SHLD1: variants seen among roughly 807,000 people sequenced by gnomAD.
SHLD1 encodes shieldin complex subunit 1.
A neutral mutation model predicts 5.5 loss-of-function variants in SHLD1; 3 were observed. The ratio of observed to expected loss-of-function variants is 0.54; its 90% CI spans 0.25 to 1.40. The LOEUF (loss-of-function observed/expected upper bound fraction) is 1.40. SHLD1 is among the 40% of genes most tolerant of loss of function. The pLI, the probability that SHLD1 is intolerant of heterozygous loss-of-function variation, is 0.15. For missense variants in SHLD1, 210 were observed against 244.4 expected (o/e 0.86, Z 0.94); for synonymous variants, 92 against 94.3 (o/e 0.98, Z 0.14).
At chr20:5,823,073 C>G (rs918155511) in intron 2 of SHLD1, among the ~76,000 whole-genome samples, 8 of 143,580 alleles carry the variant, frequency 5.6e-5, no homozygotes, top group Non-Finnish European at 1.2e-4. Context: ...CTTCCAAATC[C>G]AGTGGTCGGT....
At chr20:5,852,139 G>A (rs2088018976) in intron 2 of SHLD1, among the ~76,000 whole-genome samples, 2 of 152,114 alleles carry the variant, frequency 1.3e-5, no homozygotes, top group South Asian at 4.1e-4. Context: ...TGTACAGCCT[G>A]CAGAACTATG....
In SHLD1 at chr20:5,787,270, AG is replaced by A. The variant is rs1391709600; in HGVS notation, c.178+14229del. Among the ~76,000 whole-genome samples the A allele has an allele frequency of 2.0e-5, 3 of 152,354 alleles. No homozygotes were observed. The South Asian group carries it at 6.2e-4, about 32-fold the overall frequency. The stretch of plus-strand genomic sequence containing the variant: ...GAAAACCCAGGGAAGAAAACAAGTC[AG>A]GAATTTTAACTCCCTTTGCTGGAAT... On this transcript the variant is annotated intron_variant, in intron 2 of 2. Coordinates refer to ENST00000303142, the MANE Select transcript of SHLD1 (RefSeq NM_152504.4).
At chr20:5,793,616 CTTTAT>C (rs2087171964) in intron 2 of SHLD1, among the ~76,000 whole-genome samples, 1 of 152,142 alleles carries the variant, frequency 6.6e-6, no homozygotes, top group Non-Finnish European at 1.5e-5. Context: ...ACTTTGAAGT[CTTTAT>C]TTTAGGGTAA....
At chr20:5,762,620 G>A (rs1358423655) in intron 1 of SHLD1, among the ~76,000 whole-genome samples, 2 of 152,094 alleles carry the variant, frequency 1.3e-5, no homozygotes, top group Admixed American at 1.3e-4. Flanking sequence ...TGGCTATTGT[G>A]GGGGAGGCAC....
At chr20:5,766,704 T>A (rs1201242249) in intron 1 of SHLD1, among the ~76,000 whole-genome samples, 1 of 152,192 alleles carries the variant, frequency 6.6e-6, no homozygotes, top group African/African-American at 2.4e-5. Flanking sequence ...ATTCAATAAA[T>A]GGGAACTACT....
At chr20:5,837,257 G>A (rs1386392112) in intron 2 of SHLD1, among the ~76,000 whole-genome samples, 2 of 152,094 alleles carry the variant, frequency 1.3e-5, no homozygotes, top group East Asian at 3.9e-4. Context: ...CCTCCCCTCC[G>A]CCCACCACCT....
At chr20:5,799,940 G>GAATGGAA (rs11473588) in intron 2 of SHLD1, among the ~76,000 whole-genome samples, 1,671 of 152,254 alleles carry the variant, frequency 0.011, 38 homozygotes, top group African/African-American at 0.039. Flanking sequence ...AATCTCTTTT[G>GAATGGAA]AATGGAAAAT....
At chr20:5,854,057 G>A (rs190082918) in intron 2 of SHLD1, among the ~76,000 whole-genome samples, 14 of 151,010 alleles carry the variant, frequency 9.3e-5, no homozygotes, top group African/African-American at 3.4e-4. Flanking sequence ...CCAGGCTGGA[G>A]TGCAATGGTG....
intron 2 of SHLD1, among the ~76,000 whole-genome samples, chr20:5,814,451 A>AT (rs1320975235): frequency 6.6e-6 from 1 of 152,082 alleles, no homozygotes; most frequent in Non-Finnish European, 1.5e-5. Context: ...ATATCTGTAT[A>AT]TTTTTTGTTA....
intron 2 of SHLD1, among the ~76,000 whole-genome samples, chr20:5,800,841 C>CTGTGTG (rs544411356): frequency 4.9e-5 from 2 of 41,180 alleles, no homozygotes; most frequent in East Asian, 0.033. Context: ...GTATCTATAC[C>CTGTGTG]TGTGTGTGTG....
At chr20:5,758,871 CTG>C (rs2122186793) in intron 1 of SHLD1, among the ~76,000 whole-genome samples, 1 of 148,890 alleles carries the variant, frequency 6.7e-6, no homozygotes, top group East Asian at 2.0e-4. Flanking sequence ...TTTGAGAAGT[CTG>C]TGGAGGGGAG....
In SHLD1 at chr20:5,769,598, T is replaced by A. The variant is rs1985035320; in HGVS notation, c.-4-3264T>A. 3.9e-5 allele frequency among the ~76,000 whole-genome samples: 6 copies of A among 152,208 alleles called. 1 individual carries two copies. The South Asian group carries it at 1.2e-3, about 32-fold the overall frequency. ...AGGAGATGAACAACAAAACTAATAATAGAACAGTTATTAAAATATACTGTA... is the reference window on the plus strand; with the variant it reads ...AGGAGATGAACAACAAAACTAATAAAAGAACAGTTATTAAAATATACTGTA... On this transcript the variant is annotated intron_variant, in intron 1 of 2. Transcript: ENST00000303142.
chr20:5,806,772 ATT>A lies in SHLD1; in HGVS notation c.178+33731_178+33732del. ...ATCAGTTAAGATACCAACATTTCTT[ATT>A]TACATCCTGTGTTGTTGTTTCTCCG... is the stretch of plus-strand genomic sequence containing the variant. On this transcript the variant is annotated intron_variant, in intron 2 of 2. Transcript: ENST00000303142. This position sits in a 1 kb window ranked among gnomAD's most constrained non-coding sequence, Gnocchi z 7.6. Among the ~76,000 whole-genome samples the A allele has an allele frequency of 6.6e-6, 1 of 152,264 alleles. No homozygotes were observed. Among genetic ancestry groups the A allele is most frequent in the Admixed American group, 6.5e-5 (1 of 15,282 alleles).
At chr20:5,805,566 A>G (rs147693913) in intron 2 of SHLD1, among the ~76,000 whole-genome samples, 47 of 152,198 alleles carry the variant, frequency 3.1e-4, no homozygotes, top group African/African-American at 1.1e-3. Flanking sequence ...AGGAATGTAA[A>G]TGCTTGAACT....
At chr20:5,769,119 C>G (rs1360502355) in intron 1 of SHLD1, among the ~76,000 whole-genome samples, 2 of 152,080 alleles carry the variant, frequency 1.3e-5, no homozygotes, top group Non-Finnish European at 2.9e-5. Context: ...GTTGCCCAGG[C>G]TGGTCTTCAA....
At chr20:5,813,095 A>C (rs67428374) in intron 2 of SHLD1, among the ~76,000 whole-genome samples, 34,765 of 151,680 alleles carry the variant, frequency 0.23, 4,199 homozygotes, top group African/African-American at 0.26. Flanking sequence ...CGGCTGCTCT[A>C]GAACTTCTGG....
At position 5,788,037 on chromosome 20, in the gene SHLD1, C is replaced by G. The variant is rs2087084751; in HGVS notation, c.178+14994C>G. On this transcript the variant is annotated intron_variant, in intron 2 of 2. Transcript: ENST00000303142. ...GAATGTTATTCCTACATTTCCCCATCATGAAGAAAGCATGTTCCTAGTGGA... is the reference window on the plus strand; with the variant it reads ...GAATGTTATTCCTACATTTCCCCATGATGAAGAAAGCATGTTCCTAGTGGA... Among the ~76,000 whole-genome samples, 4 of 152,176 alleles carry G rather than the reference C, an allele frequency of 2.6e-5. 1 individual carries two copies. The highest frequency in any genetic ancestry group is 2.6e-4 in the Admixed American group (4 of 15,278).
chr20:5,795,101 T>A (rs2087192232), intron 2 of SHLD1, among the ~76,000 whole-genome samples: 1 of 151,574 alleles, frequency 6.6e-6, no homozygotes, highest in African/African-American at 2.4e-5. Flanking sequence ...TAGCCAGGCG[T>A]GGTGGCACAC....
intron 1 of SHLD1, among the ~76,000 whole-genome samples, chr20:5,752,310 TG>T: frequency 6.6e-6 from 1 of 151,574 alleles, no homozygotes; most frequent in Non-Finnish European, 1.5e-5. Context: ...ACACAAGAAT[TG>T]CTTGAACCCA....
Sources: allele counts gnomAD v4.1 joint callset (sites outside exome capture counted in the v4.1 genomes callset), GRCh38; gene constraint gnomAD v4.1.1; non-coding constraint Gnocchi (gnomAD v3.1); transcripts MANE v1.5; gene names NCBI Gene and HGNC (gene_info 2026-07-23, HGNC 2026-07-21).